DCC: variants seen among roughly 807,000 people sequenced by gnomAD.
DCC encodes netrin receptor DCC.
DCC carries 58 observed loss-of-function variants against 172.5 expected under a neutral mutation model. The ratio of observed to expected loss-of-function variants is 0.34; its 90% confidence interval spans 0.27 to 0.42. The LOEUF is 0.42. Ranked by LOEUF, DCC falls within the 10% of genes least tolerant of loss-of-function variation. The probability of loss-of-function intolerance (pLI) is 1.00; values close to 1 mark genes in which losing one functional copy is unlikely to be tolerated. For synonymous variants in DCC, 709 were observed against 644.5 expected, an observed-to-expected ratio of 1.10 and a Z score of -1.52; for missense variants, 1,740 against 1,791.0, an observed-to-expected ratio of 0.97 and a Z score of 0.51.
chr18:52,809,614 C>G (rs999100669), intron 2 of DCC, among the ~76,000 whole-genome samples: 2 of 152,130 alleles, frequency 1.3e-5, no homozygotes, highest in African/African-American at 4.8e-5. Flanking sequence ...ACTGCTGGAT[C>G]TGGAGGGGTG....
rs2055803846 is a variant in DCC, at chr18:53,213,992, T to G, written c.1862-1556T>G. 3.3e-5 allele frequency among the ~76,000 whole-genome samples: 5 copies of G among 152,134 alleles called. No homozygotes were observed. The South Asian group carries it at 8.3e-4, about 25-fold the overall frequency. On this transcript the variant is annotated intron_variant, in intron 11 of 28. Transcript: ENST00000442544. ...TTTATTAATATATTTATTCAGCAAC[T>G]ATTTACTGAGTGTACACCATGTGCC...
At chr18:53,519,242 A>G (rs1175670343) in intron 27 of DCC, among the ~76,000 whole-genome samples, 2 of 152,148 alleles carry the variant, frequency 1.3e-5, no homozygotes, top group African/African-American at 2.4e-5. Flanking sequence ...TATCGAGCCA[A>G]GGTCACAAAA....
chr18:52,802,558 A>G (rs1279999725), intron 2 of DCC, among the ~76,000 whole-genome samples: 1 of 142,476 alleles, frequency 7.0e-6, no homozygotes, highest in Non-Finnish European at 1.5e-5. Context: ...GACTGACTGC[A>G]GCCTCAGTCT....
intron 26 of DCC, among the ~76,000 whole-genome samples, chr18:53,494,244 T>C: frequency 6.6e-6 from 1 of 152,190 alleles, no homozygotes; most frequent in Non-Finnish European, 1.5e-5. Flanking sequence ...TTACCTCCAA[T>C]TATATGGTCA....
At chr18:52,960,115 A>C (rs1274777327) in intron 5 of DCC, among the ~76,000 whole-genome samples, 1 of 152,000 alleles carries the variant, frequency 6.6e-6, no homozygotes, top group East Asian at 1.9e-4. Context: ...CACACACACA[A>C]TATAGCTACT....
At chr18:53,515,119 T>G (rs1266356602) in intron 27 of DCC, among the ~76,000 whole-genome samples, 6 of 151,712 alleles carry the variant, frequency 4.0e-5, no homozygotes, top group African/African-American at 1.4e-4. Context: ...GTGGGCTTCA[T>G]CCCTGGGATG....
At chr18:53,440,565 C>G (rs1912212977) in intron 22 of DCC, among the ~76,000 whole-genome samples, 1 of 151,542 alleles carries the variant, frequency 6.6e-6, no homozygotes, top group Non-Finnish European at 1.5e-5. Context: ...AAAACTCTTT[C>G]CACACTTCTA....
At chr18:53,163,536 A>G (rs1015885408) in intron 8 of DCC, among the ~76,000 whole-genome samples, 12 of 152,318 alleles carry the variant, frequency 7.9e-5, no homozygotes, top group Middle Eastern at 3.4e-3. Flanking sequence ...TTTATCTCAG[A>G]TTAGCAATAA....
chr18:52,541,154 G>A (rs890750385), intron 1 of DCC, among the ~76,000 whole-genome samples: 2 of 152,108 alleles, frequency 1.3e-5, no homozygotes, highest in Non-Finnish European at 2.9e-5. Context: ...AGATAACATC[G>A]TATACAAGTG....
chr18:53,431,659 A>G (rs1290799385), intron 21 of DCC, among the ~76,000 whole-genome samples: 3 of 151,810 alleles, frequency 2.0e-5, no homozygotes, highest in South Asian at 2.1e-4. Flanking sequence ...TAATTTTCGT[A>G]TTTTTAGTAG....
chr18:53,255,612 C>T (rs1236448637), intron 12 of DCC, among the ~76,000 whole-genome samples: 1 of 151,986 alleles, frequency 6.6e-6, no homozygotes, highest in Non-Finnish European at 1.5e-5. Context: ...TCCAGTCTAT[C>T]ATGGTTGGAC....
At chr18:53,464,201 G>T (rs2045591585) in intron 24 of DCC, among the ~76,000 whole-genome samples, 1 of 152,160 alleles carries the variant, frequency 6.6e-6, no homozygotes, top group African/African-American at 2.4e-5. Context: ...TTAGTTTCTT[G>T]AAATGGATTT....
chr18:52,829,024 T>G (rs1598845380), intron 2 of DCC, among the ~76,000 whole-genome samples: 1 of 152,330 alleles, frequency 6.6e-6, no homozygotes, highest in African/African-American at 2.4e-5. Flanking sequence ...ATAATTAAAA[T>G]ACAATTAGGT....
At chr18:52,951,887 G>A (rs570959519) in intron 5 of DCC, among the ~76,000 whole-genome samples, 1 of 152,144 alleles carries the variant, frequency 6.6e-6, no homozygotes, top group Non-Finnish European at 1.5e-5. Flanking sequence ...TCCATGATAA[G>A]GAGAATATAG....
At chr18:53,237,663 T>G (rs2056226675) in intron 12 of DCC, among the ~76,000 whole-genome samples, 1 of 152,174 alleles carries the variant, frequency 6.6e-6, no homozygotes, top group South Asian at 2.1e-4. Context: ...CAGTATACCT[T>G]CCATAAAAAA....
chr18:52,550,348 T>TA (rs57319628), intron 1 of DCC, among the ~76,000 whole-genome samples: 5 of 151,918 alleles, frequency 3.3e-5, no homozygotes, highest in Admixed American at 6.6e-5. Flanking sequence ...GAAAAGAGAT[T>TA]AAAAAAAACA....
intron 1 of DCC, among the ~76,000 whole-genome samples, chr18:52,622,915 G>A (rs1169582486): frequency 6.6e-6 from 1 of 152,130 alleles, no homozygotes; most frequent in Non-Finnish European, 1.5e-5. Context: ...AGCAACCTTA[G>A]TGACAGCTCC....
intron 5 of DCC, among the ~76,000 whole-genome samples, chr18:52,942,109 C>T (rs2040473403): frequency 6.6e-6 from 1 of 152,090 alleles, no homozygotes; most frequent in Non-Finnish European, 1.5e-5. Flanking sequence ...AAAGTAATTA[C>T]TGCCTGCAGG....
At chr18:52,553,940 G>C (rs1195211054) in intron 1 of DCC, among the ~76,000 whole-genome samples, 1 of 152,066 alleles carries the variant, frequency 6.6e-6, no homozygotes, top group Non-Finnish European at 1.5e-5. Context: ...AGAGTACAGA[G>C]CCAGGAGGAA....
Sources: gnomAD v4.1 joint callset for allele counts (sites outside exome capture counted in the v4.1 genomes callset) on GRCh38, gnomAD v4.1.1 for gene constraint, MANE v1.5 for transcripts, NCBI Gene and HGNC (gene_info 2026-07-23, HGNC 2026-07-21) for gene names.